Variants in CASS4 observed in about 807,000 individuals in gnomAD.
CASS4 encodes cas scaffolding protein family member 4.
In CASS4, 22 loss-of-function variants were observed where a neutral mutation model predicts 54.2. The ratio of observed to expected loss-of-function variants is 0.41; its 90% CI spans 0.29 to 0.58. The LOEUF (loss-of-function observed/expected upper bound fraction) is 0.58. Among genes scored for constraint, CASS4 ranks in the 20% least tolerant of loss-of-function variants. CASS4 has a pLI of 0.36. For missense variants in CASS4, 854 were observed against 986.7 expected (o/e 0.87, Z 1.80); for synonymous variants, 409 against 391.5 (o/e 1.04, Z -0.53).
At chr20:56,435,235 A>C (rs1359512341) in intron 1 of CASS4, among the ~76,000 whole-genome samples, 1 of 152,228 alleles carries the variant, frequency 6.6e-6, no homozygotes, top group Non-Finnish European at 1.5e-5. Context: ...TTGTAACAGA[A>C]TAGAGATATT....
rs1230111339 is a variant in CASS4, at chr20:56,412,558, T to G, written c.36+64T>G. 7.2e-6 allele frequency: 11 copies of G among 1,530,998 alleles called. No individual in the cohort carries two copies. In the Admixed American group the frequency reaches 2.1e-4, roughly 29 times the overall value. 94.8% of individuals were successfully genotyped at this position (1,530,998 alleles called of 1,614,324 possible). ...GAGCAAGCTGTGATGATTAAGGGTGTTGACCAGCTTTAGTTGTGACTTTCT... is the reference window on the plus strand; with the variant it reads ...GAGCAAGCTGTGATGATTAAGGGTGGTGACCAGCTTTAGTTGTGACTTTCT... On this transcript the variant is annotated intron_variant, in intron 1 of 5. Coordinates refer to ENST00000679887, the MANE Select transcript of CASS4 (RefSeq NM_020356.4). This position sits in a 1 kb window ranked among gnomAD's most constrained non-coding sequence, Gnocchi z 4.2.
rs1424352129 is a variant in CASS4 at position 56,458,863 on chromosome 20, C to T, written c.*116C>T. 9.2e-7 allele frequency: 1 copy of T among 1,086,738 alleles called. No homozygotes were observed. Among genetic ancestry groups the T allele is most frequent in the Non-Finnish European group, 1.3e-6 (1 of 772,798 alleles). The allele number at this position is 1,086,738 out of a possible 1,614,324, so 67.3% of individuals were successfully genotyped here. A position where few individuals can be genotyped will look rare whatever the true frequency, so the allele number is the denominator to read the frequency against. ...GCATACACCAATGAGCTGAAACAGA[C>T]CTGGTGCCCAAAGCTGGTAGTACCA... On this transcript the variant is annotated 3_prime_UTR_variant, in exon 6 of 6. Transcript: ENST00000679887.
intron 1 of CASS4, among the ~76,000 whole-genome samples, chr20:56,416,261 G>A (rs1189722701): frequency 6.6e-6 from 1 of 152,136 alleles, no homozygotes; most frequent in African/African-American, 2.4e-5. Context: ...TATTGGCCAG[G>A]CTGGTCTCGA....
chr20:56,417,963 A>T (rs1229096387), intron 1 of CASS4, among the ~76,000 whole-genome samples: 2 of 152,086 alleles, frequency 1.3e-5, no homozygotes, highest in Non-Finnish European at 2.9e-5. Context: ...TCCTCCCTTC[A>T]TCTATTCCAC....
rs754634575 is a variant in CASS4, at chr20:56,412,431, C to T, written c.-28C>T. 1 of 1,611,128 alleles carries T rather than the reference C, an allele frequency of 6.2e-7. No individual in the cohort carries two copies. Among genetic ancestry groups the T allele is most frequent in the African/African-American group, 1.3e-5 (1 of 74,960 alleles). ...GAAGCTGGAGATACTAGCTGCAGAGCTCAGGGGAGCTGCTCCACATCACCG... is the reference window on the plus strand; with the variant it reads ...GAAGCTGGAGATACTAGCTGCAGAGTTCAGGGGAGCTGCTCCACATCACCG... On this transcript the variant is annotated 5_prime_UTR_variant, in exon 1 of 6. Coordinates refer to ENST00000679887, the MANE Select transcript of CASS4 (RefSeq NM_020356.4). This position sits in a 1 kb window ranked among gnomAD's most constrained non-coding sequence, Gnocchi z 4.2.
chr20:56,452,581 C>T lies in CASS4; in HGVS notation c.1405C>T (p.Arg469Ter). 1 of 1,614,118 alleles carries T rather than the reference C, an allele frequency of 6.2e-7. No individual in the cohort carries two copies. Among genetic ancestry groups the T allele is most frequent in the Non-Finnish European group, 8.5e-7 (1 of 1,180,028 alleles). ...MLFVSRKWRFRDYLEANIDAI... is the reference protein window; with the variant it reads ...MLFVSRKWRF ...CTTTGTCAGCAGGAAGTGGAGATTC[C>T]GAGACTATCTGGAGGCCAACATTGA... is the stretch of plus-strand genomic sequence containing the variant. Residue 469 changes from arginine to a stop codon, truncating the protein, a stop_gained, in exon 5 of 6, where the codon CGA (arginine) becomes TGA (stop). Transcript: ENST00000679887. LOFTEE classifies it high-confidence loss of function.
intron 1 of CASS4, among the ~76,000 whole-genome samples, chr20:56,433,076 G>T (rs1446380380): frequency 1.3e-5 from 2 of 152,232 alleles, no homozygotes; most frequent in Non-Finnish European, 2.9e-5. Context: ...TGGATCATGG[G>T]ACGCAGTCCA....
At position 56,437,169 on chromosome 20, in the gene CASS4, C is replaced by G; in HGVS notation, c.42C>G (p.Leu14=). The G allele has an allele frequency of 6.4e-7, 1 of 1,550,958 alleles. No individual in the cohort carries two copies. The highest frequency in any genetic ancestry group is 8.7e-7 in the Non-Finnish European group (1 of 1,144,902). The change falls in exon 2 of 6, where the codon CTC becomes CTG. Residue 14 remains leucine (L), a synonymous_variant. Transcript: ENST00000679887. The surrounding 1 kb of genome is among the most constrained non-coding windows in gnomAD (Gnocchi z 4.7). Reference sequence around the variant, plus strand: ...TCTCCCCTCTCCACCCACAGGCACTCCTGGCCAGGGCACTTTATGACAACT... The same window carrying G: ...TCTCCCCTCTCCACCCACAGGCACTGCTGGCCAGGGCACTTTATGACAACT... ...TGIMDCAPKA[L]LARALYDNCP...
chr20:56,458,956 G>A lies in CASS4; in HGVS notation c.*209G>A, dbSNP rs1981469200. 1.8e-6 allele frequency: 1 copy of A among 555,266 alleles called. No homozygotes were observed. 34.4% of individuals were successfully genotyped at this position (555,266 alleles called of 1,614,324 possible). A position where few individuals can be genotyped will look rare whatever the true frequency, so the allele number is the denominator to read the frequency against. ...GTCAGGAAAGAGAGTCAGGTATGAG[G>A]TAAAGACCTTGTGAAGTTTAGCATA... On this transcript the variant is annotated 3_prime_UTR_variant, in exon 6 of 6. Transcript: ENST00000679887.
chr20:56,460,368 A>C lies in CASS4; in HGVS notation c.*1621A>C, dbSNP rs1981545063. ...GCACCACCCTAATAATATTAAATATAATCATGACTTTAAACATCATTTGCA... is the reference window on the plus strand; with the variant it reads ...GCACCACCCTAATAATATTAAATATCATCATGACTTTAAACATCATTTGCA... On this transcript the variant is annotated 3_prime_UTR_variant, in exon 6 of 6. Coordinates refer to ENST00000679887, the MANE Select transcript of CASS4 (RefSeq NM_020356.4). 6.6e-6 allele frequency: 1 copy of C among 152,604 alleles called. No homozygotes were observed. Among genetic ancestry groups the C allele is most frequent in the Non-Finnish European group, 1.5e-5 (1 of 68,032 alleles). 9.5% of individuals were successfully genotyped at this position (152,604 alleles called of 1,614,324 possible).
At chr20:56,413,833 T>C (rs975848747) in intron 1 of CASS4, among the ~76,000 whole-genome samples, 3 of 152,156 alleles carry the variant, frequency 2.0e-5, no homozygotes, top group African/African-American at 7.2e-5. Flanking sequence ...TGGAAAAATA[T>C]GGGAAGCGTG....
At position 56,453,142 on chromosome 20, in the gene CASS4, TTCC is replaced by T; in HGVS notation, c.1953+14_1953+16del. ...TATCTGTGGACAGGTGAGTTCAGAG[TTCC>T]AAGTGATCGAAAAAGGGGCTTCAAT... On this transcript the variant is annotated intron_variant, in intron 5 of 5. Coordinates refer to ENST00000679887, the MANE Select transcript of CASS4 (RefSeq NM_020356.4). 1 of 1,592,918 alleles carries T rather than the reference TTCC, an allele frequency of 6.3e-7. No homozygotes were observed. The highest frequency in any genetic ancestry group is 1.1e-5 in the South Asian group (1 of 89,390).
intron 1 of CASS4, among the ~76,000 whole-genome samples, chr20:56,416,500 C>T (rs923297100): frequency 2.0e-5 from 3 of 151,646 alleles, no homozygotes; most frequent in Non-Finnish European, 2.9e-5. Flanking sequence ...GTGATTCAGT[C>T]CTGTTTGCTA....
intron 3 of CASS4, among the ~76,000 whole-genome samples, chr20:56,446,615 G>A (rs1354061882): frequency 6.6e-6 from 1 of 151,976 alleles, no homozygotes; most frequent in Admixed American, 6.6e-5. Flanking sequence ...TCAAAAAATA[G>A]CTTTGCTCCT....
chr20:56,447,383 C>T (rs1398433200), intron 3 of CASS4, among the ~76,000 whole-genome samples: 1 of 152,202 alleles, frequency 6.6e-6, no homozygotes, highest in Non-Finnish European at 1.5e-5. Flanking sequence ...CAGGGACTGG[C>T]TAAGTTCTCT....
chr20:56,413,071 T>C (rs944302846), intron 1 of CASS4, among the ~76,000 whole-genome samples: 3 of 151,608 alleles, frequency 2.0e-5, no homozygotes, highest in African/African-American at 7.3e-5. Context: ...GGCACGGTGG[T>C]ACATACCTGT....
rs192743632 is a variant in CASS4, at chr20:56,438,307, A to G, written c.459+721A>G. 2.4e-3 allele frequency among the ~76,000 whole-genome samples: 358 copies of G among 151,538 alleles called. 3 individuals are homozygous for G. The highest frequency in any genetic ancestry group is 8.1e-3 in the African/African-American group (336 of 41,296). ...TGTTTTCAAAAAAAAAAAAAAGTAT[A>G]TCCCCTTCAATGCAGAAATTTTATT... On this transcript the variant is annotated intron_variant, in intron 2 of 5. Transcript: ENST00000679887.
chr20:56,417,031 A>G (rs546712283), intron 1 of CASS4, among the ~76,000 whole-genome samples: 47 of 152,358 alleles, frequency 3.1e-4, no homozygotes, highest in African/African-American at 1.1e-3. Flanking sequence ...GTAAAAATGT[A>G]GAATTTTTTA....
intron 2 of CASS4, among the ~76,000 whole-genome samples, chr20:56,438,469 CA>C (rs1002824829): frequency 2.2e-4 from 33 of 152,108 alleles, no homozygotes; most frequent in African/African-American, 7.7e-4. Flanking sequence ...CTTGGCATAT[CA>C]CCACAACAAG....
Sources: allele counts gnomAD v4.1 joint callset (sites outside exome capture counted in the v4.1 genomes callset), GRCh38; gene constraint gnomAD v4.1.1; non-coding constraint Gnocchi (gnomAD v3.1); transcripts MANE v1.5; gene names NCBI Gene and HGNC (gene_info 2026-07-23, HGNC 2026-07-21).